Variants in AKNA observed in about 807,000 individuals in gnomAD.
AKNA encodes the protein microtubule organization protein AKNA.
In AKNA, 67 loss-of-function variants were observed where a neutral mutation model predicts 138.8. The ratio of observed to expected loss-of-function variants is 0.48; its 90% confidence interval spans 0.40 to 0.59. The LOEUF (loss-of-function observed/expected upper bound fraction) is 0.59. Ranked by LOEUF, AKNA falls within the 20% of genes least tolerant of loss-of-function variation. The probability of loss-of-function intolerance (pLI) is 0.00; values close to 1 mark genes in which losing one functional copy is unlikely to be tolerated. For missense variants in AKNA, 1,813 were observed against 1,880.4 expected, an observed-to-expected ratio of 0.96 and a Z score of 0.66; for synonymous variants, 737 against 754.4, an observed-to-expected ratio of 0.98 and a Z score of 0.38.
intron 12 of AKNA, 136 bp downstream of exon 12, chr9:114,357,785 G>T: frequency 1.4e-6 from 2 of 1,384,418 alleles, no homozygotes; most frequent in Admixed American, 2.4e-5. Context: ...TGTCAGGTGG[G>T]ATTGTGGCTG....
intron 11 of AKNA, among the ~76,000 whole-genome samples, chr9:114,358,590 T>TAC (rs61238863): frequency 0.056 from 8,454 of 152,002 alleles, 714 homozygotes; most frequent in African/African-American, 0.18. Context: ...AACCTGAATA[T>TAC]TATCATATAC....
At chr9:114,387,061 T>C (rs1388322674) in intron 1 of AKNA, among the ~76,000 whole-genome samples, 1 of 151,948 alleles carries the variant, frequency 6.6e-6, no homozygotes. Context: ...AGACAGAGGA[T>C]TCAAAGCTGG....
chr9:114,393,741 T>C (rs1834438481), intron 1 of AKNA, among the ~76,000 whole-genome samples: 1 of 146,552 alleles, frequency 6.8e-6, no homozygotes, highest in Admixed American at 6.9e-5. Flanking sequence ...AGTTATAAAA[T>C]AATATATATC....
Position 114,337,141 on chromosome 9 carries a change from G to T in AKNA, c.4233C>A (p.Ser1411Arg). Reference protein sequence around the residue: ...ALSRAVQAAESVRSTTRQMRS... With the variant: ...ALSRAVQAAERVRSTTRQMRS... Reference sequence around the variant, plus strand: ...TCATCTGCCTGGTGGTAGAGCGGACGCTCTCGGCAGCCTGCACGGCCCGGC... The same window carrying T: ...TCATCTGCCTGGTGGTAGAGCGGACTCTCTCGGCAGCCTGCACGGCCCGGC... Residue 1411 changes from serine to arginine, a missense_variant, in exon 22 of 22, where the codon AGC becomes AGA. Transcript: ENST00000374088. 1.9e-6 allele frequency: 3 copies of T among 1,609,984 alleles called. No homozygotes were observed. The highest frequency in any genetic ancestry group is 2.2e-5 in the East Asian group (1 of 44,768).
At chr9:114,378,686 A>AC (rs1833418189) in intron 2 of AKNA, among the ~76,000 whole-genome samples, 1 of 152,042 alleles carries the variant, frequency 6.6e-6, no homozygotes, top group Admixed American at 6.5e-5. Context: ...TTATCCATCT[A>AC]CCCACCCATC....
intron 1 of AKNA, chr9:114,383,249 C>T (rs1005538534): frequency 2.2e-6 from 1 of 455,410 alleles, no homozygotes; most frequent in African/African-American, 2.0e-5. Flanking sequence ...AGAAGGGCTC[C>T]TCCGCTGCCT....
intron 15 of AKNA, among the ~76,000 whole-genome samples, chr9:114,348,669 C>T (rs1830876589): frequency 6.6e-6 from 1 of 152,240 alleles, no homozygotes; most frequent in Non-Finnish European, 1.5e-5. Context: ...GTCTGTGTTT[C>T]TCTCCAATCA....
chr9:114,370,197 G>A (rs1335158769), intron 4 of AKNA, among the ~76,000 whole-genome samples: 1 of 152,094 alleles, frequency 6.6e-6, no homozygotes, highest in East Asian at 1.9e-4. Context: ...GGTCCCCGCC[G>A]CCTCCCCCTC....
In AKNA at chr9:114,336,117, G is replaced by A. The variant is rs1829978520; in HGVS notation, c.*937C>T. 6.6e-6 allele frequency: 1 copy of A among 152,586 alleles called. No homozygotes were observed. The highest frequency in any genetic ancestry group is 2.4e-5 in the African/African-American group (1 of 41,472). 9.5% of individuals were successfully genotyped at this position (152,586 alleles called of 1,614,324 possible). Reference sequence around the variant, plus strand: ...AGGCAAAAGTTAATGACATACAGCAGAGACACGGATGGCTTTGGGTATTTT... The same window carrying A: ...AGGCAAAAGTTAATGACATACAGCAAAGACACGGATGGCTTTGGGTATTTT... On this transcript the variant is annotated 3_prime_UTR_variant, in exon 22 of 22. Coordinates refer to ENST00000374088, the MANE Select transcript of AKNA (RefSeq NM_001317950.2).
intron 3 of AKNA, chr9:114,376,017 C>A (rs1469896244): frequency 2.2e-6 from 1 of 452,186 alleles, no homozygotes; most frequent in Non-Finnish European, 4.4e-6. Flanking sequence ...CCTCCCCACC[C>A]CACCAGCCTC....
intron 1 of AKNA, among the ~76,000 whole-genome samples, chr9:114,384,466 AC>A (rs1378311828): frequency 6.6e-6 from 1 of 152,180 alleles, no homozygotes; most frequent in East Asian, 1.9e-4. Context: ...AGTTTGAACC[AC>A]ACAGGTCTAC....
chr9:114,341,866 CTT>C, intron 20 of AKNA, 141 bp from the exon 21 acceptor site: 3 of 1,314,986 alleles, frequency 2.3e-6, no homozygotes, highest in Non-Finnish European at 3.2e-6. Context: ...GGAGGTCTCT[CTT>C]TGGGGAACAA....
chr9:114,359,363 C>T (rs1487689633), intron 11 of AKNA: 3 of 851,470 alleles, frequency 3.5e-6, no homozygotes, highest in African/African-American at 1.7e-5. Context: ...GCCACTGTGC[C>T]CAGCTGAGAA....
intron 1 of AKNA, among the ~76,000 whole-genome samples, chr9:114,385,160 T>C (rs577050146): frequency 1.3e-5 from 2 of 152,330 alleles, no homozygotes; most frequent in East Asian, 1.9e-4. Context: ...GCTGGTCAAC[T>C]ATATTTTAAA....
At chr9:114,360,683 A>G (rs556201820) in intron 9 of AKNA, among the ~76,000 whole-genome samples, 3 of 152,182 alleles carry the variant, frequency 2.0e-5, no homozygotes, top group African/African-American at 7.2e-5. Context: ...CCTACCCAGC[A>G]TGCCAGGCTC....
Position 114,377,398 on chromosome 9 carries a change from C to T in AKNA, c.409G>A (p.Ala137Thr). The T allele has an allele frequency of 6.2e-7, 1 of 1,613,876 alleles. No individual in the cohort carries two copies. The highest frequency in any genetic ancestry group is 8.5e-7 in the Non-Finnish European group (1 of 1,179,948). Reference protein sequence around the residue: ...GTLGSLEVEEAGESSSRLGYE... With the variant: ...GTLGSLEVEETGESSSRLGYE... The stretch of plus-strand genomic sequence containing the variant: ...CCCAACCTTGAGGAGCTCTCTCCAG[C>T]CTCCTCAACCTCCAGACTTCCGAGG... The change falls in exon 3 of 22, where the codon GCT (alanine) becomes ACT (threonine). Residue 137 changes from alanine to threonine, a missense_variant. Coordinates refer to ENST00000374088, the MANE Select transcript of AKNA (RefSeq NM_001317950.2).
At chr9:114,345,661 CTGAATGAATGAATGAA>C (rs201959374) in intron 18 of AKNA, 186 bp downstream of exon 18, 1 of 542,220 alleles carries the variant, frequency 1.8e-6, no homozygotes, top group African/African-American at 2.0e-5. Context: ...AAAGTGTTTG[CTGAATGAATGAATGAA>C]TGAATGAATG....
chr9:114,362,607 GA>G (rs1832061982), intron 7 of AKNA, 74 bp from the exon 8 acceptor site: 4 of 1,514,462 alleles, frequency 2.6e-6, no homozygotes, highest in Admixed American at 4.1e-5. Flanking sequence ...CACAGTGGAT[GA>G]GACAGCTTGC....
In AKNA at chr9:114,357,213, G is replaced by A. The variant is rs903116747; in HGVS notation, c.2740-244C>T. Among the ~76,000 whole-genome samples, 3 of 151,330 alleles carry A rather than the reference G, an allele frequency of 2.0e-5. No individual in the cohort carries two copies. In the East Asian group the frequency reaches 5.8e-4, roughly 29 times the overall value. ...CTCAGCAAGTGCTGCCTCCCTGAGG[G>A]GTGGCAGCCAGAGCCCTTGGGAGAG... On this transcript the variant is annotated intron_variant, in intron 12 of 21. Transcript: ENST00000374088.
Sources: gnomAD v4.1 joint callset for allele counts (sites outside exome capture counted in the v4.1 genomes callset) on GRCh38, gnomAD v4.1.1 for gene constraint, MANE v1.5 for transcripts, NCBI Gene and HGNC (gene_info 2026-07-23, HGNC 2026-07-21) for gene names.